Variants in CTIF observed in about 807,000 individuals in gnomAD.
CTIF encodes the protein cap binding complex dependent translation initiation factor.
CTIF carries 21 observed loss-of-function variants against 66.0 expected under a neutral mutation model. The ratio of observed to expected loss-of-function variants is 0.32; its 90% CI spans 0.23 to 0.46. The LOEUF is 0.46. Ranked by LOEUF, CTIF falls within the 20% of genes least tolerant of loss-of-function variation. The pLI is 1.00. For synonymous variants in CTIF, 345 were observed against 326.4 expected, an observed-to-expected ratio of 1.06 and a Z score of -0.62; for missense variants, 739 against 812.7, an observed-to-expected ratio of 0.91 and a Z score of 1.10.
intron 1 of CTIF, among the ~76,000 whole-genome samples, chr18:48,613,072 G>C (rs1326726819): frequency 1.3e-5 from 2 of 152,146 alleles, no homozygotes; most frequent in African/African-American, 4.8e-5. Context: ...ATTTCATCTG[G>C]TTTGCAGGTC....
chr18:48,670,692 A>G lies in CTIF; in HGVS notation c.455A>G (p.Asp152Gly). Residue 152 changes from aspartate to glycine, a missense_variant, in exon 6 of 12, where the codon GAT (aspartate) becomes GGT (glycine). By Grantham distance (94) the Asp-to-Gly change is moderately conservative (BLOSUM62 -1). Coordinates refer to ENST00000256413, the MANE Select transcript of CTIF (RefSeq NM_014772.3). ...AGGTGTGGCAAAGGGAAGCTGGAAG[A>G]TGGGGATGGCATCAACCTGAATGAC... is the stretch of plus-strand genomic sequence containing the variant. ...REGCGKGKLE[D>G]GDGINLNDIE... 2 of 1,614,052 alleles carry G rather than the reference A, an allele frequency of 1.2e-6. No individual in the cohort carries two copies. Among genetic ancestry groups the G allele is most frequent in the African/African-American group, 1.3e-5 (1 of 75,036 alleles).
At chr18:48,669,874 G>A (rs1025283566) in intron 5 of CTIF, among the ~76,000 whole-genome samples, 5 of 121,608 alleles carry the variant, frequency 4.1e-5, no homozygotes, top group African/African-American at 6.1e-5. Flanking sequence ...TATATGTACC[G>A]TTTACTGTGG....
At chr18:48,820,426 C>T (rs1201678712) in intron 10 of CTIF, among the ~76,000 whole-genome samples, 2 of 152,152 alleles carry the variant, frequency 1.3e-5, no homozygotes, top group African/African-American at 4.8e-5. Context: ...TAGGCTTTCC[C>T]CCTGGGGCCA....
At chr18:48,806,247 T>C (rs1490003446) in intron 9 of CTIF, among the ~76,000 whole-genome samples, 2 of 152,216 alleles carry the variant, frequency 1.3e-5, no homozygotes, top group Admixed American at 1.3e-4. Context: ...TCAAATATGT[T>C]TTTTAAGCCA....
chr18:48,712,271 C>G (rs2092233320), intron 7 of CTIF, among the ~76,000 whole-genome samples: 1 of 152,156 alleles, frequency 6.6e-6, no homozygotes, highest in Non-Finnish European at 1.5e-5. Flanking sequence ...TCCTGTGGAG[C>G]TCAGACTCCC....
At chr18:48,692,975 A>C (rs2091953290) in intron 6 of CTIF, among the ~76,000 whole-genome samples, 2 of 152,318 alleles carry the variant, frequency 1.3e-5, no homozygotes, top group South Asian at 4.1e-4. Flanking sequence ...ACCTTGATAG[A>C]CTACAGCCCT....
chr18:48,618,066 G>A (rs2090429627), intron 1 of CTIF, among the ~76,000 whole-genome samples: 1 of 152,250 alleles, frequency 6.6e-6, no homozygotes, highest in Non-Finnish European at 1.5e-5. Flanking sequence ...GGAGAAGGCA[G>A]TGAGGGTGTG....
At chr18:48,764,170 G>A (rs1909286000) in intron 9 of CTIF, among the ~76,000 whole-genome samples, 1 of 152,146 alleles carries the variant, frequency 6.6e-6, no homozygotes, top group Admixed American at 6.5e-5. Context: ...CACTTTCCAG[G>A]AAACACTGGC....
At chr18:48,675,380 C>G (rs902179361) in intron 6 of CTIF, among the ~76,000 whole-genome samples, 1 of 152,152 alleles carries the variant, frequency 6.6e-6, no homozygotes, top group Admixed American at 6.5e-5. Context: ...GTGGAGGCCT[C>G]GCCAGGATCG....
chr18:48,768,277 G>A (rs569537639), intron 9 of CTIF, among the ~76,000 whole-genome samples: 1 of 152,210 alleles, frequency 6.6e-6, no homozygotes, highest in Non-Finnish European at 1.5e-5. Flanking sequence ...CTCCTAGATG[G>A]CCAGAATCCT....
At chr18:48,622,421 C>T (rs2090513839) in intron 2 of CTIF, among the ~76,000 whole-genome samples, 2 of 151,844 alleles carry the variant, frequency 1.3e-5, no homozygotes. Context: ...GGTCGTGAAA[C>T]TCAGATCCAT....
chr18:48,835,672 T>G (rs752900037), intron 10 of CTIF, among the ~76,000 whole-genome samples: 10 of 152,168 alleles, frequency 6.6e-5, no homozygotes, highest in Non-Finnish European at 1.0e-4. Context: ...CCCCCATGAG[T>G]GGCCTTGGGC....
intron 1 of CTIF, among the ~76,000 whole-genome samples, chr18:48,549,314 C>A (rs2088829057): frequency 6.6e-6 from 1 of 152,156 alleles, no homozygotes. Context: ...TATATCTCAC[C>A]ATGATCTCAG....
intron 1 of CTIF, among the ~76,000 whole-genome samples, chr18:48,549,994 T>G (rs550031429): frequency 2.2e-4 from 33 of 152,342 alleles, no homozygotes; most frequent in South Asian, 1.0e-3. Context: ...TTGTTTGTTT[T>G]TTTAAAATCT....
intron 9 of CTIF, among the ~76,000 whole-genome samples, chr18:48,803,368 G>A (rs1271013457): frequency 2.0e-5 from 3 of 152,144 alleles, no homozygotes; most frequent in South Asian, 2.1e-4. Context: ...TTAAAGGATC[G>A]GCATTTGGGG....
chr18:48,674,669 CT>C (rs2091595922), intron 6 of CTIF, among the ~76,000 whole-genome samples: 1 of 152,194 alleles, frequency 6.6e-6, no homozygotes, highest in South Asian at 2.1e-4. Flanking sequence ...ACCTCAGGAA[CT>C]TCATCTCTGG....
chr18:48,630,505 C>T (rs1234610384), intron 2 of CTIF, among the ~76,000 whole-genome samples: 1 of 152,084 alleles, frequency 6.6e-6, no homozygotes, highest in African/African-American at 2.4e-5. Flanking sequence ...TGTCTCAATA[C>T]CATGTATTTA....
chr18:48,677,344 C>T (rs2091648081), intron 6 of CTIF, among the ~76,000 whole-genome samples: 2 of 152,188 alleles, frequency 1.3e-5, no homozygotes, highest in East Asian at 3.9e-4. Flanking sequence ...CTCTCTGTGT[C>T]CCAGGCATTG....
chr18:48,796,317 GCGA>G (rs2067917537), intron 9 of CTIF, among the ~76,000 whole-genome samples: 1 of 152,122 alleles, frequency 6.6e-6, no homozygotes, highest in Non-Finnish European at 1.5e-5. Context: ...GGGACTACAG[GCGA>G]CCGTCACCAT....
Sources: allele counts gnomAD v4.1 joint callset (sites outside exome capture counted in the v4.1 genomes callset), GRCh38; gene constraint gnomAD v4.1.1; transcripts MANE v1.5; gene names NCBI Gene and HGNC (gene_info 2026-07-23, HGNC 2026-07-21).